Variants in CCDC192 observed in about 807,000 individuals in gnomAD.
CCDC192 encodes coiled-coil domain containing 192, also known as coiled-coil domain-containing protein 192.
intron 6 of CCDC192, among the ~76,000 whole-genome samples, chr5:127,877,974 G>A (rs1383651954): frequency 6.6e-6 from 1 of 152,230 alleles, no homozygotes; most frequent in Non-Finnish European, 1.5e-5. Context: ...TAGCCTTGGA[G>A]TAAGATGGAT....
intron 5 of CCDC192, among the ~76,000 whole-genome samples, chr5:127,839,351 A>G (rs948795454): frequency 2.0e-5 from 3 of 152,230 alleles, no homozygotes; most frequent in African/African-American, 7.2e-5. Flanking sequence ...ACATAACCAC[A>G]TCACTACAAA....
At chr5:127,935,869 C>T (rs1241867838) in intron 6 of CCDC192, among the ~76,000 whole-genome samples, 19 of 152,104 alleles carry the variant, frequency 1.2e-4, no homozygotes. Flanking sequence ...CTTTGGGAGG[C>T]CGAGGCAGGT....
chr5:127,719,000 T>G (rs898960334), intron 2 of CCDC192, among the ~76,000 whole-genome samples: 1 of 152,112 alleles, frequency 6.6e-6, no homozygotes, highest in Non-Finnish European at 1.5e-5. Context: ...TCTTATTCAT[T>G]TTCTCTAACT....
chr5:127,784,062 G>A (rs889058482), intron 3 of CCDC192, among the ~76,000 whole-genome samples: 1 of 152,166 alleles, frequency 6.6e-6, no homozygotes, highest in Non-Finnish European at 1.5e-5. Context: ...GCAGAAGATG[G>A]TTGGTGAATA....
intron 2 of CCDC192, among the ~76,000 whole-genome samples, chr5:127,737,949 A>G (rs1323514253): frequency 6.6e-6 from 1 of 150,380 alleles, no homozygotes; most frequent in Non-Finnish European, 1.5e-5. Context: ...TAATATTGTT[A>G]TGTGTGAATT....
intron 5 of CCDC192, among the ~76,000 whole-genome samples, chr5:127,804,429 AAG>A (rs1757672201): frequency 6.6e-6 from 1 of 152,202 alleles, no homozygotes; most frequent in Non-Finnish European, 1.5e-5. Flanking sequence ...CAGGTGAGGA[AAG>A]AGAGAAAAAA....
rs1231802691 is a variant in CCDC192, at chr5:127,829,441, C to G, written c.411+31279C>G. Among the ~76,000 whole-genome samples the G allele has an allele frequency of 3.9e-5, 6 of 152,122 alleles. No individual in the cohort carries two copies. In the East Asian group the frequency reaches 1.2e-3, roughly 29 times the overall value. ...AATATCATCTCCCACCTTTGTCTTT[C>G]AAATATCTATGACAGCACTATAATT... On this transcript the variant is annotated intron_variant, in intron 5 of 6. Transcript: ENST00000514853.
intron 3 of CCDC192, among the ~76,000 whole-genome samples, chr5:127,778,399 A>G (rs1425970118): frequency 6.6e-6 from 1 of 152,274 alleles, no homozygotes; most frequent in South Asian, 2.1e-4. Flanking sequence ...TATTCTATCA[A>G]TGTGATCTAT....
At chr5:127,831,658 TA>T (rs1749803231) in intron 5 of CCDC192, among the ~76,000 whole-genome samples, 1 of 152,166 alleles carries the variant, frequency 6.6e-6, no homozygotes, top group South Asian at 2.1e-4. Context: ...TACATAAAGG[TA>T]ATCTCTAATG....
intron 5 of CCDC192, among the ~76,000 whole-genome samples, chr5:127,845,267 A>G (rs983111914): frequency 2.0e-5 from 3 of 152,168 alleles, no homozygotes; most frequent in African/African-American, 7.2e-5. Context: ...GGATGCTGCT[A>G]GTAGGAATAG....
At chr5:127,858,798 A>G (rs1751222363) in intron 5 of CCDC192, among the ~76,000 whole-genome samples, 1 of 152,234 alleles carries the variant, frequency 6.6e-6, no homozygotes, top group Admixed American at 6.5e-5. Flanking sequence ...AGAAAGGGAC[A>G]AAATCAAGTA....
At chr5:127,783,523 C>T (rs539181395) in intron 3 of CCDC192, among the ~76,000 whole-genome samples, 91 of 152,224 alleles carry the variant, frequency 6.0e-4, no homozygotes, top group African/African-American at 2.1e-3. Flanking sequence ...TTTATTAAGG[C>T]TCATTTTGTG....
chr5:127,719,835 G>GT (rs1554068217), intron 2 of CCDC192, among the ~76,000 whole-genome samples: 9 of 134,770 alleles, frequency 6.7e-5, no homozygotes, highest in Middle Eastern at 3.8e-3. Flanking sequence ...AGGAAGGGGC[G>GT]GGGGAGGTGA....
At chr5:127,915,725 ATT>A (rs34033284) in intron 6 of CCDC192, among the ~76,000 whole-genome samples, 79 of 147,630 alleles carry the variant, frequency 5.4e-4, no homozygotes, top group African/African-American at 1.9e-3. Context: ...TTCTTTTGCA[ATT>A]TTTTTTTTTT....
At chr5:127,815,118 T>C (rs1371874718) in intron 5 of CCDC192, among the ~76,000 whole-genome samples, 1 of 152,178 alleles carries the variant, frequency 6.6e-6, no homozygotes, top group East Asian at 1.9e-4. Context: ...TAGGCTGGTG[T>C]TTCTCTATCT....
In CCDC192 at chr5:127,901,083, C is replaced by G. The variant is rs1338894563; in HGVS notation, c.535+25422C>G. Among the ~76,000 whole-genome samples the G allele has an allele frequency of 2.6e-5, 4 of 152,144 alleles. No homozygotes were observed. The South Asian group carries it at 8.3e-4, about 32-fold the overall frequency. On this transcript the variant is annotated intron_variant, in intron 6 of 6. Transcript: ENST00000514853. Reference sequence around the variant, plus strand: ...AAGCAGAAATATAAATTAGTCAAAACAGTGGGACATGACTTAAATTATAAT... The same window carrying G: ...AAGCAGAAATATAAATTAGTCAAAAGAGTGGGACATGACTTAAATTATAAT...
At chr5:127,801,449 C>T (rs1757503122) in intron 5 of CCDC192, among the ~76,000 whole-genome samples, 1 of 151,934 alleles carries the variant, frequency 6.6e-6, no homozygotes, top group Non-Finnish European at 1.5e-5. Flanking sequence ...AAAGCATAGT[C>T]CCTGCCCCTC....
intron 5 of CCDC192, among the ~76,000 whole-genome samples, chr5:127,866,322 A>C (rs1443996117): frequency 6.6e-6 from 1 of 151,752 alleles, no homozygotes; most frequent in Non-Finnish European, 1.5e-5. Flanking sequence ...ATTTTTGGTA[A>C]TTTCTCCATA....
intron 5 of CCDC192, among the ~76,000 whole-genome samples, chr5:127,855,389 C>T (rs1751018754): frequency 1.3e-5 from 2 of 152,226 alleles, no homozygotes; most frequent in South Asian, 4.1e-4. Flanking sequence ...CATCTTCAAT[C>T]TCCATTTCTA....
Sources: allele counts gnomAD v4.1 joint callset (sites outside exome capture counted in the v4.1 genomes callset), GRCh38; gene constraint gnomAD v4.1.1; transcripts MANE v1.5; gene names NCBI Gene and HGNC (gene_info 2026-07-23, HGNC 2026-07-21).